Variants in CCDC60 observed in about 807,000 individuals in gnomAD.
The protein encoded by CCDC60 is coiled-coil domain containing 60, also known as coiled-coil domain-containing protein 60.
A neutral mutation model predicts 63.5 loss-of-function variants in CCDC60; 54 were observed. The observed-to-expected ratio is 0.85, with a 90% confidence interval of 0.68 to 1.07. CCDC60 has a LOEUF of 1.07. Ranked by LOEUF, CCDC60 falls within the 50% of genes least tolerant of loss-of-function variation. The probability of loss-of-function intolerance (pLI) is 0.00; values close to 1 mark genes in which losing one functional copy is unlikely to be tolerated. For missense variants in CCDC60, 651 were observed against 684.3 expected (o/e 0.95, Z 0.54); for synonymous variants, 206 against 238.8 (o/e 0.86, Z 1.27).
At position 119,516,643 on chromosome 12, in the gene CCDC60, A is replaced by G. The variant is rs1175849652; in HGVS notation, c.904A>G (p.Met302Val). The G allele has an allele frequency of 6.2e-7, 1 of 1,613,754 alleles. No individual in the cohort carries two copies. Among genetic ancestry groups the G allele is most frequent in the Non-Finnish European group, 8.5e-7 (1 of 1,179,766 alleles). Residue 302 changes from methionine to valine, a missense_variant, in exon 8 of 14, where the codon ATG becomes GTG. Physicochemically the swap from Met to Val is conservative, Grantham distance 21 (BLOSUM62 1). Coordinates refer to ENST00000327554, the MANE Select transcript of CCDC60 (RefSeq NM_178499.5). ...LYMNLQKLLE[M>V]VREDARRTVT... ...ATCAGATCTGCAGAAGCTCCTGGAGATGGTTCGGGAAGATGCCCGGAGGAC... is the reference window on the plus strand; with the variant it reads ...ATCAGATCTGCAGAAGCTCCTGGAGGTGGTTCGGGAAGATGCCCGGAGGAC...
At chr12:119,448,448 A>G (rs1950578342) in intron 2 of CCDC60, among the ~76,000 whole-genome samples, 1 of 152,186 alleles carries the variant, frequency 6.6e-6, no homozygotes, top group African/African-American at 2.4e-5. Context: ...GTCTACCTGT[A>G]GGGCTCTTGT....
intron 4 of CCDC60, among the ~76,000 whole-genome samples, chr12:119,485,146 C>G (rs1241440584): frequency 1.3e-5 from 2 of 152,232 alleles, no homozygotes; most frequent in African/African-American, 4.8e-5. Context: ...CTCACTCTCG[C>G]CTTTTAAGAG....
At chr12:119,464,155 G>A (rs1763883336) in intron 2 of CCDC60, among the ~76,000 whole-genome samples, 1 of 144,506 alleles carries the variant, frequency 6.9e-6, no homozygotes, top group Non-Finnish European at 1.5e-5. Context: ...AGAAAGGAAA[G>A]CTGAAGTTCC....
At chr12:119,458,974 C>A (rs1041372845) in intron 2 of CCDC60, among the ~76,000 whole-genome samples, 1 of 152,084 alleles carries the variant, frequency 6.6e-6, no homozygotes, top group Admixed American at 6.5e-5. Flanking sequence ...TCTCGAATTC[C>A]TGACCTCAGG....
chr12:119,433,019 T>C (rs562617849), intron 2 of CCDC60, among the ~76,000 whole-genome samples: 44 of 152,264 alleles, frequency 2.9e-4, no homozygotes, highest in South Asian at 1.0e-3. Flanking sequence ...CTACAACAAA[T>C]CTCTTCCCAG....
intron 2 of CCDC60, among the ~76,000 whole-genome samples, chr12:119,442,171 AC>A (rs1364008463): frequency 7.2e-5 from 11 of 152,342 alleles, no homozygotes; most frequent in South Asian, 4.1e-4. Flanking sequence ...CAGAAAAAAA[AC>A]ATTCCGTATA....
chr12:119,447,278 ACCT>A (rs1267258034), intron 2 of CCDC60, among the ~76,000 whole-genome samples: 1 of 151,966 alleles, frequency 6.6e-6, no homozygotes, highest in African/African-American at 2.4e-5. Flanking sequence ...CTTTGACAAC[ACCT>A]CCTTGCAACT....
At chr12:119,382,375 G>A (rs868361393) in intron 1 of CCDC60, among the ~76,000 whole-genome samples, 14 of 152,214 alleles carry the variant, frequency 9.2e-5, no homozygotes, top group African/African-American at 2.7e-4. Flanking sequence ...AGGGAAGCAC[G>A]ATGAGCACCA....
intron 1 of CCDC60, among the ~76,000 whole-genome samples, chr12:119,418,545 GC>G (rs1209488347): frequency 2.0e-5 from 3 of 151,428 alleles, no homozygotes; most frequent in Non-Finnish European, 4.4e-5. Flanking sequence ...CTCCTGAGTA[GC>G]TGGGACTACA....
At chr12:119,508,094 C>T (rs1367349802) in intron 7 of CCDC60, among the ~76,000 whole-genome samples, 1 of 151,792 alleles carries the variant, frequency 6.6e-6, no homozygotes, top group African/African-American at 2.4e-5. Context: ...TCACTTGAGT[C>T]CAGGATTTCA....
At chr12:119,450,180 G>A (rs144890929) in intron 2 of CCDC60, among the ~76,000 whole-genome samples, 1 of 129,720 alleles carries the variant, frequency 7.7e-6, no homozygotes, top group East Asian at 2.6e-4. Context: ...GAATTATTGC[G>A]TGTTCTTATT....
intron 1 of CCDC60, among the ~76,000 whole-genome samples, chr12:119,368,532 G>A (rs1210623772): frequency 5.9e-5 from 9 of 152,134 alleles, no homozygotes; most frequent in Admixed American, 2.6e-4. Context: ...CGGTACTCTC[G>A]GCCTCACAAT....
chr12:119,417,879 T>G (rs12099460), intron 1 of CCDC60, among the ~76,000 whole-genome samples: 19,783 of 152,132 alleles, frequency 0.13, 1,716 homozygotes, highest in African/African-American at 0.25. Flanking sequence ...CCTTCCTTTA[T>G]TCCCAAAGCA....
At chr12:119,432,435 A>G (rs884033) in intron 2 of CCDC60, among the ~76,000 whole-genome samples, 67,430 of 152,066 alleles carry the variant, frequency 0.44, 15,171 homozygotes, top group South Asian at 0.66. Flanking sequence ...TCAATCAGTC[A>G]TAACAGACAC....
intron 1 of CCDC60, among the ~76,000 whole-genome samples, chr12:119,411,462 A>G (rs1028984734): frequency 6.6e-6 from 1 of 151,556 alleles, no homozygotes; most frequent in Non-Finnish European, 1.5e-5. Flanking sequence ...AGCCGAGATC[A>G]CACCACTGGA....
intron 3 of CCDC60, among the ~76,000 whole-genome samples, chr12:119,476,296 G>A (rs1951176716): frequency 6.6e-6 from 1 of 152,140 alleles, no homozygotes; most frequent in South Asian, 2.1e-4. Flanking sequence ...TTGTGGTTGA[G>A]AGAAGACATA....
intron 13 of CCDC60, among the ~76,000 whole-genome samples, chr12:119,532,938 T>C (rs1952897236): frequency 2.6e-5 from 4 of 152,178 alleles, no homozygotes; most frequent in Admixed American, 2.6e-4. Context: ...CATCCAGTAA[T>C]GGGATTGCTG....
chr12:119,470,512 T>C (rs1951035883), intron 2 of CCDC60, among the ~76,000 whole-genome samples: 1 of 152,196 alleles, frequency 6.6e-6, no homozygotes, highest in African/African-American at 2.4e-5. Context: ...TCCCAGCATA[T>C]TCCCAATGGA....
chr12:119,375,632 T>C (rs1395688899), intron 1 of CCDC60, among the ~76,000 whole-genome samples: 1 of 152,142 alleles, frequency 6.6e-6, no homozygotes, highest in Non-Finnish European at 1.5e-5. Flanking sequence ...ATCAAAATAA[T>C]GGGGTGTGGA....
Sources: allele counts gnomAD v4.1 joint callset (sites outside exome capture counted in the v4.1 genomes callset), GRCh38; gene constraint gnomAD v4.1.1; transcripts MANE v1.5; gene names NCBI Gene and HGNC (gene_info 2026-07-23, HGNC 2026-07-21).